The following JAZF1 variants were observed in gnomAD, a reference collection of about 807,000 sequenced individuals.
JAZF1 encodes juxtaposed with another zinc finger protein 1.
Under a neutral mutation model 26.4 loss-of-function variants are expected in JAZF1, and 8 were observed. That is an observed-to-expected ratio of 0.30 (90% CI 0.18 to 0.55). JAZF1 has a LOEUF of 0.55. Among genes scored for constraint, JAZF1 ranks in the 20% least tolerant of loss-of-function variants. The probability of loss-of-function intolerance (pLI) is 0.94; values close to 1 mark genes in which losing one functional copy is unlikely to be tolerated. For missense variants in JAZF1, 199 were observed against 322.0 expected (o/e 0.62, Z 2.92); for synonymous variants, 126 against 122.3 (o/e 1.03, Z -0.20).
intron 3 of JAZF1, among the ~76,000 whole-genome samples, chr7:27,890,784 CTTTT>C (rs70977008): frequency 2.2e-5 from 2 of 92,024 alleles, no homozygotes; most frequent in East Asian, 3.0e-4. Context: ...GATGTTACTA[CTTTT>C]TTTTTTTTTT....
intron 3 of JAZF1, among the ~76,000 whole-genome samples, chr7:27,849,752 G>GACACACACACACATACACACAC (rs1333082038): frequency 9.2e-6 from 1 of 108,444 alleles, no homozygotes; most frequent in African/African-American, 4.3e-5. Flanking sequence ...CTTACACACA[G>GACACACACACACATACACACAC]ACACACACAC....
intron 3 of JAZF1, among the ~76,000 whole-genome samples, chr7:27,867,879 C>T (rs1290554368): frequency 6.6e-6 from 1 of 152,176 alleles, no homozygotes; most frequent in Non-Finnish European, 1.5e-5. Flanking sequence ...TTCAGAGGGC[C>T]AAGGTCTCAG....
chr7:27,930,089 G>A (rs1008567577), intron 2 of JAZF1, among the ~76,000 whole-genome samples: 7 of 151,818 alleles, frequency 4.6e-5, no homozygotes, highest in South Asian at 2.1e-4. Flanking sequence ...TCTGCCTCCC[G>A]GGTTCACACC....
chr7:28,011,421 C>A (rs1207964930), intron 1 of JAZF1, among the ~76,000 whole-genome samples: 1 of 152,144 alleles, frequency 6.6e-6, no homozygotes, highest in Non-Finnish European at 1.5e-5. Context: ...AGACATTAAT[C>A]TCATATTTGG....
intron 1 of JAZF1, among the ~76,000 whole-genome samples, chr7:28,133,346 A>G (rs1347111817): frequency 6.6e-6 from 1 of 152,238 alleles, no homozygotes; most frequent in Non-Finnish European, 1.5e-5. Context: ...CTACAGGGAT[A>G]TGACAAGGAA....
intron 1 of JAZF1, among the ~76,000 whole-genome samples, chr7:28,025,395 C>T (rs908784820): frequency 3.9e-5 from 6 of 152,162 alleles, no homozygotes; most frequent in Non-Finnish European, 7.3e-5. Flanking sequence ...ACAACCACCA[C>T]CATGAGAAAA....
chr7:27,941,361 A>T (rs1405426504), intron 2 of JAZF1, among the ~76,000 whole-genome samples: 1 of 152,220 alleles, frequency 6.6e-6, no homozygotes, highest in African/African-American at 2.4e-5. Flanking sequence ...TATTAAAATC[A>T]AATGTTACTA....
chr7:28,074,516 C>T (rs1562578343), intron 1 of JAZF1, among the ~76,000 whole-genome samples: 1 of 152,138 alleles, frequency 6.6e-6, no homozygotes, highest in Non-Finnish European at 1.5e-5. Flanking sequence ...TGTACATACA[C>T]ACATACATAC....
chr7:28,176,746 A>T (rs1783557034), intron 1 of JAZF1, among the ~76,000 whole-genome samples: 1 of 152,202 alleles, frequency 6.6e-6, no homozygotes, highest in Non-Finnish European at 1.5e-5. Context: ...AGGTACTTTT[A>T]AAAATGCACC....
intron 1 of JAZF1, among the ~76,000 whole-genome samples, chr7:28,150,584 C>A (rs1329218710): frequency 2.0e-5 from 3 of 152,214 alleles, no homozygotes; most frequent in Non-Finnish European, 2.9e-5. Context: ...GGAACACTGT[C>A]ATGGGGCCAG....
chr7:28,057,241 A>G (rs1783726593), intron 1 of JAZF1, among the ~76,000 whole-genome samples: 1 of 152,206 alleles, frequency 6.6e-6, no homozygotes, highest in East Asian at 1.9e-4. Context: ...TTTCAGCTTG[A>G]CTATTGTAAA....
chr7:28,104,424 C>A (rs1784520877), intron 1 of JAZF1, among the ~76,000 whole-genome samples: 1 of 152,140 alleles, frequency 6.6e-6, no homozygotes, highest in Non-Finnish European at 1.5e-5. Context: ...ACTAGGCACT[C>A]AATAAATGTT....
intron 2 of JAZF1, among the ~76,000 whole-genome samples, chr7:27,918,774 C>T (rs572873530): frequency 6.6e-6 from 1 of 152,098 alleles, no homozygotes; most frequent in South Asian, 2.1e-4. Context: ...GTCCTGTTCA[C>T]TCCCTCTTTC....
chr7:28,065,450 T>C (rs1783866012), intron 1 of JAZF1, among the ~76,000 whole-genome samples: 2 of 151,130 alleles, frequency 1.3e-5, no homozygotes, highest in African/African-American at 2.4e-5. Flanking sequence ...AATCAGACAG[T>C]GAGGTGAGGG....
chr7:27,937,619 C>A (rs568475299), intron 2 of JAZF1, among the ~76,000 whole-genome samples: 3 of 152,058 alleles, frequency 2.0e-5, no homozygotes, highest in African/African-American at 7.2e-5. Flanking sequence ...AGGTTTACTG[C>A]TTATAAACAA....
At chr7:28,043,604 G>C (rs775031820) in intron 1 of JAZF1, among the ~76,000 whole-genome samples, 5 of 152,078 alleles carry the variant, frequency 3.3e-5, no homozygotes, top group Non-Finnish European at 7.4e-5. Context: ...GTTGAACGTA[G>C]AATTACCATA....
intron 1 of JAZF1, among the ~76,000 whole-genome samples, chr7:28,047,779 T>C (rs1222551563): frequency 6.6e-6 from 1 of 152,186 alleles, no homozygotes; most frequent in East Asian, 1.9e-4. Flanking sequence ...TTCCTAATAT[T>C]GGACTATCCT....
At chr7:28,002,379 T>C (rs1782615010) in intron 1 of JAZF1, among the ~76,000 whole-genome samples, 1 of 152,222 alleles carries the variant, frequency 6.6e-6, no homozygotes, top group Non-Finnish European at 1.5e-5. Flanking sequence ...TTTGATCTGG[T>C]ACCCGAGTCT....
intron 1 of JAZF1, chr7:28,071,732 G>A: frequency 2.2e-6 from 1 of 449,344 alleles, no homozygotes; most frequent in Non-Finnish European, 4.6e-6. Context: ...ACAAAGACAG[G>A]CAACATGGAA....
Sources: allele counts gnomAD v4.1 joint callset (sites outside exome capture counted in the v4.1 genomes callset), GRCh38; gene constraint gnomAD v4.1.1; transcripts MANE v1.5; gene names NCBI Gene and HGNC (gene_info 2026-07-23, HGNC 2026-07-21).